The following CD58 variants were observed in gnomAD, a reference collection of about 807,000 sequenced individuals.
The protein encoded by CD58 is lymphocyte function-associated antigen 3.
Under a neutral mutation model 27.6 loss-of-function variants are expected in CD58, and 14 were observed. The ratio of observed to expected loss-of-function variants is 0.51; its 90% CI spans 0.34 to 0.79. CD58 has a LOEUF of 0.79. CD58 is among the 30% of genes least tolerant of loss of function. The probability of loss-of-function intolerance (pLI) is 0.02; values close to 1 mark genes in which losing one functional copy is unlikely to be tolerated. For missense variants in CD58, 268 were observed against 301.7 expected (o/e 0.89, Z 0.83); for synonymous variants, 117 against 103.8 (o/e 1.13, Z -0.77).
At position 116,546,698 on chromosome 1, in the gene CD58, G is replaced by T. The variant is rs950630744; in HGVS notation, c.71-2094C>A. Among the ~76,000 whole-genome samples the T allele has an allele frequency of 9.2e-5, 14 of 152,196 alleles. No individual in the cohort carries two copies. The highest frequency in any genetic ancestry group is 2.0e-4 in the Admixed American group (3 of 15,284). ...GAGAGCTGATGTATCCTGGGCTTGA[G>T]AACAGTAGAAGAAAGTAGTCAGGAA... On this transcript the variant is annotated intron_variant, in intron 1 of 5. Coordinates refer to ENST00000369489, the MANE Select transcript of CD58 (RefSeq NM_001779.3). The surrounding 1 kb of genome is among the most constrained non-coding windows in gnomAD (Gnocchi z 4.1).
At chr1:116,520,711 T>C (rs145000502) in intron 4 of CD58, among the ~76,000 whole-genome samples, 242 of 152,258 alleles carry the variant, frequency 1.6e-3, no homozygotes, top group African/African-American at 5.6e-3. Context: ...GGGATTAAAA[T>C]AGATTTTTAA....
intron 5 of CD58, 90 bp from the exon 6 acceptor site, chr1:116,514,912 G>T: frequency 1.1e-6 from 1 of 873,158 alleles, no homozygotes; most frequent in Non-Finnish European, 1.9e-6. Flanking sequence ...ATTCTAAAGT[G>T]AATAGCCCTT....
chr1:116,551,561 C>A (rs748387173), intron 1 of CD58, among the ~76,000 whole-genome samples: 9 of 152,168 alleles, frequency 5.9e-5, no homozygotes, highest in Non-Finnish European at 1.2e-4. Flanking sequence ...TCTATGCAGA[C>A]TACTCGAACT....
rs534282458 is a variant in CD58, at chr1:116,557,314, T to C, written c.71-12710A>G. On this transcript the variant is annotated intron_variant, in intron 1 of 5. Transcript: ENST00000369489. The surrounding 1 kb of genome is among the most constrained non-coding windows in gnomAD (Gnocchi z 5.2). The stretch of plus-strand genomic sequence containing the variant: ...AAGAAGTTTAACTGGAGCTTAAAAA[T>C]AAAATGGCTCAGGAGCCCTCATATA... 1.8e-4 allele frequency among the ~76,000 whole-genome samples: 28 copies of C among 152,230 alleles called. No homozygotes were observed. The highest frequency in any genetic ancestry group is 6.5e-4 in the African/African-American group (27 of 41,532).
chr1:116,515,296 G>A lies in CD58; in HGVS notation c.744-474C>T, dbSNP rs539636344. Among the ~76,000 whole-genome samples the A allele has an allele frequency of 2.0e-5, 3 of 152,208 alleles. No homozygotes were observed. Among genetic ancestry groups the A allele is most frequent in the Non-Finnish European group, 2.9e-5 (2 of 68,016 alleles). ...AGTAAATCAGCCGAAAAACAAAACC[G>A]CATCCTTGAGCAAGCCCTCAAACCG... On this transcript the variant is annotated intron_variant, in intron 5 of 5. Coordinates refer to ENST00000369489, the MANE Select transcript of CD58 (RefSeq NM_001779.3). This position sits in a 1 kb window ranked among gnomAD's most constrained non-coding sequence, Gnocchi z 4.6.
At position 116,524,975 on chromosome 1, in the gene CD58, T is replaced by A. The variant is rs1485050085; in HGVS notation, c.629-2992A>T. ...AAGTTACAGAAAGTTTGTACATACA[T>A]CCTGCCCCTACACATGCATAGCCTC... On this transcript the variant is annotated intron_variant, in intron 3 of 5. Coordinates refer to ENST00000369489, the MANE Select transcript of CD58 (RefSeq NM_001779.3). The surrounding 1 kb of genome is among the most constrained non-coding windows in gnomAD (Gnocchi z 4.6). Among the ~76,000 whole-genome samples the A allele has an allele frequency of 2.6e-5, 4 of 152,304 alleles. No individual in the cohort carries two copies. The highest frequency in any genetic ancestry group is 1.9e-4 in the East Asian group (1 of 5,190).
At chr1:116,520,110 G>C (rs907562004) in intron 4 of CD58, among the ~76,000 whole-genome samples, 1 of 152,168 alleles carries the variant, frequency 6.6e-6, no homozygotes, top group Non-Finnish European at 1.5e-5. Flanking sequence ...TAAAGGTTGA[G>C]ATGCTTGCTG....
chr1:116,520,140 T>C (rs1657220166), intron 4 of CD58, among the ~76,000 whole-genome samples: 2 of 152,238 alleles, frequency 1.3e-5, no homozygotes, highest in Admixed American at 1.3e-4. Flanking sequence ...GTTTGTTTGT[T>C]TTTTGAGACA....
In CD58 at chr1:116,522,731, A is replaced by G. The variant is rs866895136; in HGVS notation, c.629-748T>C. Among the ~76,000 whole-genome samples, 8 of 152,256 alleles carry G rather than the reference A, an allele frequency of 5.3e-5. No homozygotes were observed. Among genetic ancestry groups the G allele is most frequent in the African/African-American group, 1.9e-4 (8 of 41,466 alleles). ...CCTGTGTTATTTAATAAAAGAAGCA[A>G]GTGTTCCACTAGAAGGTTTGTTTCT... On this transcript the variant is annotated intron_variant, in intron 3 of 5. Transcript: ENST00000369489. The surrounding 1 kb of genome is among the most constrained non-coding windows in gnomAD (Gnocchi z 4.6).
At position 116,534,220 on chromosome 1, in the gene CD58, G is replaced by A. The variant is rs1657713986; in HGVS notation, c.628+1745C>T. 1 of 527,442 alleles carries A rather than the reference G, an allele frequency of 1.9e-6. No homozygotes were observed. The highest frequency in any genetic ancestry group is 3.4e-6 in the Non-Finnish European group (1 of 293,638). The allele number at this position is 527,442 out of a possible 1,614,324, so 32.7% of individuals were successfully genotyped here. A position where few individuals can be genotyped will look rare whatever the true frequency, so the allele number is the denominator to read the frequency against. ...GCACCGCACAGCTCCCAACAGCTGA[G>A]ATGCAATGCCAAGGACTTTCTTCCC... On this transcript the variant is annotated intron_variant, in intron 3 of 5. Coordinates refer to ENST00000369489, the MANE Select transcript of CD58 (RefSeq NM_001779.3). This position sits in a 1 kb window ranked among gnomAD's most constrained non-coding sequence, Gnocchi z 5.3.
rs1365763260 is a variant in CD58 at position 116,570,685 on chromosome 1, A to G, written c.70+218T>C. Among the ~76,000 whole-genome samples the G allele has an allele frequency of 3.3e-5, 5 of 152,094 alleles. No homozygotes were observed. The highest frequency in any genetic ancestry group is 4.8e-5 in the African/African-American group (2 of 41,416). ...CCGGAGCCCGTCCTTCCCTAAGGCCACACAGTTCCTTGCTGACTCCATGAG... is the reference window on the plus strand; with the variant it reads ...CCGGAGCCCGTCCTTCCCTAAGGCCGCACAGTTCCTTGCTGACTCCATGAG... On this transcript the variant is annotated intron_variant, in intron 1 of 5. Coordinates refer to ENST00000369489, the MANE Select transcript of CD58 (RefSeq NM_001779.3). The surrounding 1 kb of genome is among the most constrained non-coding windows in gnomAD (Gnocchi z 6.4).
intron 3 of CD58, among the ~76,000 whole-genome samples, chr1:116,525,903 G>A (rs371549889): frequency 1.5e-4 from 23 of 152,200 alleles, no homozygotes; most frequent in East Asian, 7.7e-4. Flanking sequence ...CGCCTGCCTC[G>A]GCCTCCCAAA....
At chr1:116,549,771 T>C (rs1303415079) in intron 1 of CD58, among the ~76,000 whole-genome samples, 1 of 152,192 alleles carries the variant, frequency 6.6e-6, no homozygotes, top group African/African-American at 2.4e-5. Flanking sequence ...TCAATATTTT[T>C]CTCTCATATA....
At chr1:116,554,001 G>A (rs1016569740) in intron 1 of CD58, among the ~76,000 whole-genome samples, 11 of 152,162 alleles carry the variant, frequency 7.2e-5, no homozygotes, top group Non-Finnish European at 1.5e-4. Flanking sequence ...GTAGGAAAAA[G>A]ATGGAAGAAA....
chr1:116,570,997 G>C lies in CD58; in HGVS notation c.-25C>G, dbSNP rs1207309311. 1.1e-5 allele frequency: 17 copies of C among 1,531,502 alleles called. No homozygotes were observed. Among genetic ancestry groups the C allele is most frequent in the Non-Finnish European group, 1.5e-5 (17 of 1,144,882 alleles). 94.9% of individuals were successfully genotyped at this position (1,531,502 alleles called of 1,614,324 possible). Reference sequence around the variant, plus strand: ...TGGCTCGTCGGGCCGGCCTCTGCGCGAGTGCCCAGCCACAAGCAGCCCTAA... The same window carrying C: ...TGGCTCGTCGGGCCGGCCTCTGCGCCAGTGCCCAGCCACAAGCAGCCCTAA... On this transcript the variant is annotated 5_prime_UTR_variant, in exon 1 of 6. Transcript: ENST00000369489. This position sits in a 1 kb window ranked among gnomAD's most constrained non-coding sequence, Gnocchi z 6.4.
intron 3 of CD58, among the ~76,000 whole-genome samples, chr1:116,529,130 C>A (rs1434742315): frequency 6.6e-6 from 1 of 152,212 alleles, no homozygotes; most frequent in African/African-American, 2.4e-5. Flanking sequence ...AGGTCTAGGA[C>A]CTAGGTTTTC....
rs1012605426 is a variant in CD58, at chr1:116,521,528, C to T, written c.706+378G>A. Among the ~76,000 whole-genome samples, 1 of 152,154 alleles carries T rather than the reference C, an allele frequency of 6.6e-6. No homozygotes were observed. Among genetic ancestry groups the T allele is most frequent in the African/African-American group, 2.4e-5 (1 of 41,430 alleles). On this transcript the variant is annotated intron_variant, in intron 4 of 5. Transcript: ENST00000369489. This position sits in a 1 kb window ranked among gnomAD's most constrained non-coding sequence, Gnocchi z 5.6. ...CAAAACTCCCTTCCTACCTGGGAGC[C>T]CCATTCGTGTTATATGACATGAAAA...
At chr1:116,560,263 A>G (rs1557844179) in intron 1 of CD58, among the ~76,000 whole-genome samples, 1 of 152,132 alleles carries the variant, frequency 6.6e-6, no homozygotes, top group Admixed American at 6.5e-5. Flanking sequence ...CAAAGGCCAC[A>G]TTTGTCTTTG....
In CD58 at chr1:116,570,626, G is replaced by C. The variant is rs941505434; in HGVS notation, c.70+277C>G. On this transcript the variant is annotated intron_variant, in intron 1 of 5. Coordinates refer to ENST00000369489, the MANE Select transcript of CD58 (RefSeq NM_001779.3). The surrounding 1 kb of genome is among the most constrained non-coding windows in gnomAD (Gnocchi z 6.4). ...ACTGGAGCTCGGGAGGGGGCCGGCGGGGGGGCGCAGGCCCCGCAGGAGAGG... is the reference window on the plus strand; with the variant it reads ...ACTGGAGCTCGGGAGGGGGCCGGCGCGGGGGCGCAGGCCCCGCAGGAGAGG... Among the ~76,000 whole-genome samples, 1 of 152,120 alleles carries C rather than the reference G, an allele frequency of 6.6e-6. No homozygotes were observed.
Sources: allele counts gnomAD v4.1 joint callset (sites outside exome capture counted in the v4.1 genomes callset), GRCh38; gene constraint gnomAD v4.1.1; non-coding constraint Gnocchi (gnomAD v3.1); transcripts MANE v1.5; gene names NCBI Gene and HGNC (gene_info 2026-07-23, HGNC 2026-07-21).